CCDC15: variants seen among roughly 807,000 people sequenced by gnomAD.
The protein encoded by CCDC15 is coiled-coil domain-containing protein 15.
Under a neutral mutation model 114.5 loss-of-function variants are expected in CCDC15, and 105 were observed. The ratio of observed to expected loss-of-function variants is 0.92; its 90% confidence interval spans 0.78 to 1.08. The LOEUF (loss-of-function observed/expected upper bound fraction) is 1.08, where lower values mean the gene tolerates loss of function less well. Among genes scored for constraint, CCDC15 ranks in the 50% least tolerant of loss-of-function variants. The pLI is 0.00. For synonymous variants in CCDC15, 334 were observed against 377.8 expected, an observed-to-expected ratio of 0.88 and a Z score of 1.34; for missense variants, 1,105 against 1,093.6, an observed-to-expected ratio of 1.01 and a Z score of -0.15.
chr11:124,981,366 A>G (rs545675033), intron 6 of CCDC15, among the ~76,000 whole-genome samples: 2 of 152,132 alleles, frequency 1.3e-5, no homozygotes, highest in South Asian at 4.2e-4. Flanking sequence ...TCTTTTGGAG[A>G]TGGAGTCTTG....
At chr11:125,037,892 T>C (rs1461701318) in intron 13 of CCDC15, among the ~76,000 whole-genome samples, 1 of 151,836 alleles carries the variant, frequency 6.6e-6, no homozygotes, top group African/African-American at 2.4e-5. Context: ...CTGAAAAGAC[T>C]GTTTTGCTAC....
Position 124,975,163 on chromosome 11 carries a change from G to C in CCDC15, c.584G>C (p.Gly195Ala), listed in dbSNP as rs1947953354. Residue 195 changes from glycine to alanine, a missense_variant, in exon 5 of 16, where the codon GGA becomes GCA. Coordinates refer to ENST00000344762, the MANE Select transcript of CCDC15 (RefSeq NM_025004.3). ...ASFKTVIKKK[G>A]SVFPDDGRKS... ...TTTAAAACCGTGATTAAAAAAAAGGGATCAGTGTTTCCAGATGATGGAAGG... is the reference window on the plus strand; with the variant it reads ...TTTAAAACCGTGATTAAAAAAAAGGCATCAGTGTTTCCAGATGATGGAAGG... The C allele has an allele frequency of 6.2e-7, 1 of 1,603,572 alleles. No homozygotes were observed. The highest frequency in any genetic ancestry group is 8.5e-7 in the Non-Finnish European group (1 of 1,175,834).
chr11:125,022,396 T>C (rs1948667051), intron 13 of CCDC15, among the ~76,000 whole-genome samples: 1 of 151,980 alleles, frequency 6.6e-6, no homozygotes, highest in South Asian at 2.1e-4. Flanking sequence ...GATGTTTATG[T>C]CCTGTACTCA....
Position 125,038,565 on chromosome 11 carries a change from G to A in CCDC15, c.2546G>A (p.Gly849Glu). Residue 849 changes from glycine to glutamate, a missense_variant, in exon 14 of 16, where the codon GGA (glycine) becomes GAA (glutamate). Physicochemically the swap from Gly to Glu is moderately conservative, Grantham distance 98. Transcript: ENST00000344762. ...LAQLQLQEIKGTREKQQREKE... is the reference protein window; with the variant it reads ...LAQLQLQEIKETREKQQREKE... ...CAGTTACAACTTCAAGAAATAAAAG[G>A]AACCAGAGAAAAACAACAGAGAGAA... 2 of 1,576,614 alleles carry A rather than the reference G, an allele frequency of 1.3e-6. No homozygotes were observed. Among genetic ancestry groups the A allele is most frequent in the Non-Finnish European group, 1.7e-6 (2 of 1,163,978 alleles).
chr11:125,031,554 C>A (rs1222786968), intron 13 of CCDC15, among the ~76,000 whole-genome samples: 7 of 152,132 alleles, frequency 4.6e-5, no homozygotes, highest in African/African-American at 1.7e-4. Context: ...AACTTGATGA[C>A]CCTTCAGTTT....
chr11:124,986,700 T>TGTGTGTGTGTGTGCGCGCGCGCGCGCGC (rs878887902), intron 6 of CCDC15, 42 bp from the exon 7 acceptor site: 1 of 1,298,020 alleles, frequency 7.7e-7, no homozygotes, highest in African/African-American at 1.7e-5. Flanking sequence ...TTTGTGTGTG[T>TGTGTGTGTGTGTGCGCGCGCGCGCGCGC]GCGCGCGCGC....
intron 4 of CCDC15, among the ~76,000 whole-genome samples, chr11:124,969,206 G>T (rs935893169): frequency 2.0e-5 from 3 of 151,952 alleles, no homozygotes; most frequent in Non-Finnish European, 4.4e-5. Flanking sequence ...CTCTTAATCC[G>T]CACCCCTTAC....
chr11:125,007,746 T>C (rs1450681989), intron 13 of CCDC15, among the ~76,000 whole-genome samples: 9 of 152,316 alleles, frequency 5.9e-5, no homozygotes, highest in Non-Finnish European at 1.3e-4. Context: ...CAGCTTTTGT[T>C]ACTTTTTGTT....
In CCDC15 at chr11:124,977,587, A is replaced by G. The variant is rs1260478721; in HGVS notation, c.740A>G (p.Tyr247Cys). ...TTAGCTGCTGTACCTTACCAGAATT[A>G]TATGGAAAATCAGGTAGGGAAATAT... ...GLLAAVPYQN[Y>C]MENQELDYEE... The change falls in exon 6 of 16, where the codon TAT becomes TGT. Residue 247 changes from tyrosine to cysteine, a missense_variant. Coordinates refer to ENST00000344762, the MANE Select transcript of CCDC15 (RefSeq NM_025004.3). The G allele has an allele frequency of 1.9e-6, 3 of 1,603,304 alleles. No homozygotes were observed. The highest frequency in any genetic ancestry group is 1.3e-5 in the African/African-American group (1 of 74,390).
In CCDC15 at chr11:124,988,009, A is replaced by G. The variant is rs780205336; in HGVS notation, c.1783A>G (p.Lys595Glu). Residue 595 changes from lysine (K) to glutamate (E), a missense_variant, in exon 8 of 16, where the codon AAA (lysine) becomes GAA (glutamate). By Grantham distance (56) the Lys-to-Glu change is moderately conservative (BLOSUM62 1). Transcript: ENST00000344762. ...FLPRDQGYLPKDQNILPICQD... is the reference protein window; with the variant it reads ...FLPRDQGYLPEDQNILPICQD... ...ACCCAGAGACCAAGGTTATCTTCCT[A>G]AAGACCAAAATATTCTACCCATATG... 6.2e-6 allele frequency: 10 copies of G among 1,613,868 alleles called. No homozygotes were observed. The Admixed American group carries it at 1.3e-4, about 22-fold the overall frequency.
intron 3 of CCDC15, among the ~76,000 whole-genome samples, 157 bp downstream of exon 3, chr11:124,959,421 A>G (rs531411994): frequency 3.4e-4 from 52 of 152,250 alleles, no homozygotes; most frequent in African/African-American, 1.1e-3. Flanking sequence ...TAGAGAAACC[A>G]TGTTTTATTC....
chr11:125,006,903 T>C (rs886725049), intron 13 of CCDC15, among the ~76,000 whole-genome samples: 1 of 152,218 alleles, frequency 6.6e-6, no homozygotes, highest in African/African-American at 2.4e-5. Flanking sequence ...TCTTTTGCCA[T>C]ACCACACTGT....
At chr11:124,975,822 C>CAT (rs1008744930) in intron 5 of CCDC15, among the ~76,000 whole-genome samples, 1 of 151,946 alleles carries the variant, frequency 6.6e-6, no homozygotes, top group Non-Finnish European at 1.5e-5. Flanking sequence ...TAAAAATTGT[C>CAT]ATAAAGTATG....
intron 4 of CCDC15, among the ~76,000 whole-genome samples, chr11:124,971,883 T>A (rs1374280382): frequency 1.3e-5 from 2 of 152,150 alleles, no homozygotes; most frequent in Non-Finnish European, 2.9e-5. Context: ...TTTTATTGAT[T>A]TACCACTAGG....
intron 13 of CCDC15, among the ~76,000 whole-genome samples, chr11:125,018,577 C>T (rs1006179447): frequency 2.6e-5 from 4 of 151,944 alleles, no homozygotes; most frequent in African/African-American, 4.8e-5. Context: ...TGCTACCTAC[C>T]GGCTGTGTGA....
intron 13 of CCDC15, among the ~76,000 whole-genome samples, chr11:125,023,182 T>TA (rs1948674137): frequency 6.6e-6 from 1 of 151,974 alleles, no homozygotes; most frequent in South Asian, 2.1e-4. Context: ...AATTGTCACG[T>TA]ATGGTGTGAG....
intron 13 of CCDC15, among the ~76,000 whole-genome samples, chr11:125,032,944 C>A (rs895609700): frequency 1.3e-5 from 2 of 152,210 alleles, no homozygotes; most frequent in Non-Finnish European, 2.9e-5. Context: ...GTCCCCGAAA[C>A]GTCTGATTGT....
intron 4 of CCDC15, among the ~76,000 whole-genome samples, chr11:124,966,909 G>A (rs2135442957): frequency 6.6e-6 from 1 of 152,212 alleles, no homozygotes; most frequent in South Asian, 2.1e-4. Context: ...GCTTAGTTTG[G>A]CTGGATATGA....
At chr11:124,969,457 A>G (rs1201386238) in intron 4 of CCDC15, among the ~76,000 whole-genome samples, 1 of 152,182 alleles carries the variant, frequency 6.6e-6, no homozygotes, top group Non-Finnish European at 1.5e-5. Context: ...TCATTGTTTT[A>G]GTCTTACCAT....
Sources: allele counts gnomAD v4.1 joint callset (sites outside exome capture counted in the v4.1 genomes callset), GRCh38; gene constraint gnomAD v4.1.1; transcripts MANE v1.5; gene names NCBI Gene and HGNC (gene_info 2026-07-23, HGNC 2026-07-21).